Variants in CNTN4 observed in about 807,000 individuals in gnomAD.
CNTN4 encodes the protein contactin-4.
In CNTN4, 77 loss-of-function variants were observed where a neutral mutation model predicts 122.5. That is an observed-to-expected ratio of 0.63 (90% CI 0.52 to 0.76). The LOEUF (loss-of-function observed/expected upper bound fraction) is 0.76, where lower values mean the gene tolerates loss of function less well. CNTN4 is among the 30% of genes least tolerant of loss of function. The pLI is 0.00. For missense variants in CNTN4, 1,256 were observed against 1,259.1 expected, an observed-to-expected ratio of 1.00 and a Z score of 0.04; for synonymous variants, 512 against 447.0, an observed-to-expected ratio of 1.15 and a Z score of -1.83.
chr3:2,693,226 G>A (rs2085840041), intron 4 of CNTN4, among the ~76,000 whole-genome samples: 1 of 152,068 alleles, frequency 6.6e-6, no homozygotes, highest in Admixed American at 6.6e-5. Context: ...GAAACACACA[G>A]ATCTTAAGTG....
At chr3:2,524,026 C>T (rs2077313232) in intron 3 of CNTN4, among the ~76,000 whole-genome samples, 1 of 152,204 alleles carries the variant, frequency 6.6e-6, no homozygotes, top group South Asian at 2.1e-4. Flanking sequence ...ACAACTAACA[C>T]ATTTAAATTG....
At chr3:3,047,079 A>G (rs1485106110) in intron 23 of CNTN4, among the ~76,000 whole-genome samples, 2 of 151,320 alleles carry the variant, frequency 1.3e-5, no homozygotes, top group African/African-American at 4.9e-5. Flanking sequence ...AGAGCTAACT[A>G]TCCTAAAAAT....
At chr3:2,539,399 T>G (rs992622444) in intron 3 of CNTN4, among the ~76,000 whole-genome samples, 4 of 152,130 alleles carry the variant, frequency 2.6e-5, no homozygotes, top group Admixed American at 2.0e-4. Flanking sequence ...TCTCTGTCAA[T>G]TGGCACTAAT....
At position 2,170,177 on chromosome 3, in the gene CNTN4, C is replaced by T. The variant is rs572229591; in HGVS notation, c.-145+69538C>T. On this transcript the variant is annotated intron_variant, in intron 2 of 24. Transcript: ENST00000418658. ...TCTACTAAAAATACAAAAAATTAGC[C>T]GGGCGTGGTGGCGGCGCCTGTAGTC... Among the ~76,000 whole-genome samples the T allele has an allele frequency of 1.4e-3, 196 of 139,186 alleles. 1 individual carries two copies. Among genetic ancestry groups the T allele is most frequent in the African/African-American group, 5.1e-3 (166 of 32,734 alleles). The allele number at this position is 139,186 out of a possible 152,430, so 91.3% of individuals were successfully genotyped here.
At chr3:2,391,820 G>T (rs759870863) in intron 3 of CNTN4, among the ~76,000 whole-genome samples, 1 of 152,224 alleles carries the variant, frequency 6.6e-6, no homozygotes, top group African/African-American at 2.4e-5. Context: ...CTAGCTTTTT[G>T]ATTTTGACCC....
Position 2,887,145 on chromosome 3 carries a change from G to A in CNTN4, c.861G>A (p.Gln287=), listed in dbSNP as rs768122989. 26 of 1,613,998 alleles carry A rather than the reference G, an allele frequency of 1.6e-5. No individual in the cohort carries two copies. In the South Asian group the frequency reaches 2.7e-4, roughly 17 times the overall value. Residue 287 remains glutamine (Q), a synonymous_variant, in exon 10 of 25, where the codon CAG becomes CAA. Coordinates refer to ENST00000418658, the MANE Select transcript of CNTN4 (RefSeq NM_175607.3). ...NGILEIPNFQ[Q]EDAGLYECVA... Reference sequence around the variant, plus strand: ...TTCTTGAGATCCCTAATTTTCAGCAGGAGGATGCTGGTTTATATGAATGTG... The same window carrying A: ...TTCTTGAGATCCCTAATTTTCAGCAAGAGGATGCTGGTTTATATGAATGTG...
chr3:2,841,746 C>G lies in CNTN4; in HGVS notation c.454+22165C>G. Among the ~76,000 whole-genome samples, 2 of 152,238 alleles carry G rather than the reference C, an allele frequency of 1.3e-5. 1 individual carries two copies. Among genetic ancestry groups the G allele is most frequent in the South Asian group, 4.2e-4 (2 of 4,806 alleles). ...GAAGTTATTAAAAATATGTTTCACT[C>G]ATGATAACATGATCATTTTCAGGAA... On this transcript the variant is annotated intron_variant, in intron 7 of 24. Coordinates refer to ENST00000418658, the MANE Select transcript of CNTN4 (RefSeq NM_175607.3). The surrounding 1 kb of genome is among the most constrained non-coding windows in gnomAD (Gnocchi z 4.8).
chr3:2,332,892 T>C (rs912633211), intron 2 of CNTN4, among the ~76,000 whole-genome samples: 1 of 151,124 alleles, frequency 6.6e-6, no homozygotes, highest in East Asian at 1.9e-4. Context: ...AAAATAAAAT[T>C]AAAAAAAAAT....
chr3:2,401,174 T>A (rs1170470205), intron 3 of CNTN4, among the ~76,000 whole-genome samples: 3 of 152,180 alleles, frequency 2.0e-5, no homozygotes, highest in Non-Finnish European at 4.4e-5. Flanking sequence ...TTGCAGAGTA[T>A]CTGAGTTACG....
chr3:2,169,621 T>C (rs1008650119), intron 2 of CNTN4, among the ~76,000 whole-genome samples: 2 of 151,792 alleles, frequency 1.3e-5, no homozygotes, highest in Non-Finnish European at 2.9e-5. Context: ...ATGGTCTCGA[T>C]CTCCTGACCT....
chr3:2,638,699 G>A (rs897536160), intron 4 of CNTN4, among the ~76,000 whole-genome samples: 22 of 152,168 alleles, frequency 1.4e-4, no homozygotes, highest in African/African-American at 5.1e-4. Flanking sequence ...CAGGCATCTC[G>A]AAGTCAACTT....
At chr3:2,970,498 G>C (rs1692795515) in intron 13 of CNTN4, among the ~76,000 whole-genome samples, 1 of 151,730 alleles carries the variant, frequency 6.6e-6, no homozygotes, top group Non-Finnish European at 1.5e-5. Flanking sequence ...TGCTAGAGTG[G>C]TGCAGTGGCT....
At chr3:2,657,992 A>G (rs1473779565) in intron 4 of CNTN4, among the ~76,000 whole-genome samples, 1 of 149,710 alleles carries the variant, frequency 6.7e-6, no homozygotes, top group African/African-American at 2.5e-5. Context: ...AGTTGCCCAT[A>G]CAGAGGAAAG....
chr3:2,747,324 G>C (rs1194712494), intron 6 of CNTN4, among the ~76,000 whole-genome samples: 1 of 151,716 alleles, frequency 6.6e-6, no homozygotes, highest in African/African-American at 2.4e-5. Context: ...CAGGAGAATG[G>C]CGGGAACCCG....
chr3:2,342,157 T>G (rs2044233949), intron 3 of CNTN4, among the ~76,000 whole-genome samples: 1 of 152,210 alleles, frequency 6.6e-6, no homozygotes, highest in African/African-American at 2.4e-5. Context: ...AATTCCTGCA[T>G]GTAATATTTG....
Position 2,137,464 on chromosome 3 carries a change from T to C in CNTN4, c.-145+36825T>C, listed in dbSNP as rs530402650. 2.0e-5 allele frequency among the ~76,000 whole-genome samples: 3 copies of C among 152,300 alleles called. No individual in the cohort carries two copies. In the South Asian group the frequency reaches 6.2e-4, roughly 32 times the overall value. On this transcript the variant is annotated intron_variant, in intron 2 of 24. Coordinates refer to ENST00000418658, the MANE Select transcript of CNTN4 (RefSeq NM_175607.3). Reference sequence around the variant, plus strand: ...ATTCCAGGTTGGGATGTCTTGTCTATATTTTCATTCCTTGTGAATGATAAT... The same window carrying C: ...ATTCCAGGTTGGGATGTCTTGTCTACATTTTCATTCCTTGTGAATGATAAT...
At chr3:2,340,706 T>TAGAGAGAGAGAGAGAG (rs1176854234) in intron 3 of CNTN4, among the ~76,000 whole-genome samples, 1 of 24,056 alleles carries the variant, frequency 4.2e-5, no homozygotes, top group African/African-American at 8.7e-5. Context: ...TATATATATA[T>TAGAGAGAGAGAGAGAG]ATATAGAGAG....
At chr3:2,246,713 G>A (rs2040166408) in intron 2 of CNTN4, among the ~76,000 whole-genome samples, 1 of 152,000 alleles carries the variant, frequency 6.6e-6, no homozygotes, top group South Asian at 2.1e-4. Flanking sequence ...ACCATGAAAA[G>A]GAGAGAGGGG....
At chr3:2,865,172 C>T (rs759385230) in intron 7 of CNTN4, among the ~76,000 whole-genome samples, 16 of 152,016 alleles carry the variant, frequency 1.1e-4, no homozygotes, top group Non-Finnish European at 2.4e-4. Context: ...CATGCACATG[C>T]GTAAATAAAA....
Sources: gnomAD v4.1 joint callset for allele counts (sites outside exome capture counted in the v4.1 genomes callset) on GRCh38, gnomAD v4.1.1 for gene constraint, Gnocchi (gnomAD v3.1) non-coding constraint, MANE v1.5 for transcripts, NCBI Gene and HGNC (gene_info 2026-07-23, HGNC 2026-07-21) for gene names.